Variants in JAZF1 observed in about 807,000 individuals in gnomAD.
The protein encoded by JAZF1 is JAZF zinc finger 1.
In JAZF1, 8 loss-of-function variants were observed where a neutral mutation model predicts 26.4. The observed-to-expected ratio is 0.30, with a 90% CI of 0.18 to 0.55. JAZF1 has a LOEUF of 0.55. Among genes scored for constraint, JAZF1 ranks in the 20% least tolerant of loss-of-function variants. JAZF1 has a pLI of 0.94. For missense variants in JAZF1, 199 were observed against 322.0 expected, an observed-to-expected ratio of 0.62 and a Z score of 2.92; for synonymous variants, 126 against 122.3, an observed-to-expected ratio of 1.03 and a Z score of -0.20.
rs372426984 is a variant in JAZF1, at chr7:28,052,605, A to T, written c.116-60624T>A. On this transcript the variant is annotated intron_variant, in intron 1 of 4. Coordinates refer to ENST00000283928, the MANE Select transcript of JAZF1 (RefSeq NM_175061.4). The stretch of plus-strand genomic sequence containing the variant: ...GTATTCAACAAATTAAAACAAAGAA[A>T]CAAACAACACCTCCAATCACTTCAG... 3.9e-5 allele frequency among the ~76,000 whole-genome samples: 6 copies of T among 152,206 alleles called. No individual in the cohort carries two copies. In the East Asian group the frequency reaches 7.7e-4, roughly 20 times the overall value.
intron 1 of JAZF1, among the ~76,000 whole-genome samples, chr7:28,162,336 T>A (rs575131937): frequency 4.6e-5 from 7 of 152,348 alleles, no homozygotes; most frequent in African/African-American, 1.7e-4. Context: ...ACATATTGTA[T>A]GTGTACTCCT....
At chr7:28,001,356 A>AAAACG (rs1786156775) in intron 1 of JAZF1, among the ~76,000 whole-genome samples, 2 of 138,142 alleles carry the variant, frequency 1.4e-5, no homozygotes, top group African/African-American at 5.9e-5. Flanking sequence ...TGTCTCAAAA[A>AAAACG]AAACAAAACA....
intron 1 of JAZF1, among the ~76,000 whole-genome samples, chr7:28,059,991 T>C (rs1406175217): frequency 6.6e-6 from 1 of 152,198 alleles, no homozygotes; most frequent in Non-Finnish European, 1.5e-5. Flanking sequence ...TCTGGAAAAT[T>C]CACTCTTCTC....
intron 1 of JAZF1, among the ~76,000 whole-genome samples, chr7:28,155,648 C>T (rs923492024): frequency 6.6e-6 from 1 of 152,164 alleles, no homozygotes; most frequent in Non-Finnish European, 1.5e-5. Flanking sequence ...AGGGCCTGGC[C>T]ACCCATGCCC....
At chr7:27,902,943 G>A (rs911763405) in intron 2 of JAZF1, among the ~76,000 whole-genome samples, 1 of 151,622 alleles carries the variant, frequency 6.6e-6, no homozygotes, top group Non-Finnish European at 1.5e-5. Context: ...GTGAACCTGG[G>A]AGGCGGAGCC....
At chr7:28,071,717 G>A (rs561801191) in intron 1 of JAZF1, 1 of 453,082 alleles carries the variant, frequency 2.2e-6, no homozygotes, top group East Asian at 7.1e-5. Context: ...AAATATGCTT[G>A]GTTTACAAAG....
intron 2 of JAZF1, among the ~76,000 whole-genome samples, chr7:27,953,714 TA>T (rs1414446756): frequency 1.3e-5 from 2 of 152,082 alleles, no homozygotes; most frequent in Non-Finnish European, 2.9e-5. Context: ...AACTAGAAAA[TA>T]AATAGACTGA....
At chr7:28,135,259 G>A (rs1160822465) in intron 1 of JAZF1, among the ~76,000 whole-genome samples, 1 of 151,158 alleles carries the variant, frequency 6.6e-6, no homozygotes, top group Non-Finnish European at 1.5e-5. Flanking sequence ...AAACTAAGGA[G>A]CCCTCTCTCC....
intron 1 of JAZF1, among the ~76,000 whole-genome samples, chr7:28,039,818 AC>A (rs1455886439): frequency 6.6e-4 from 101 of 152,366 alleles, no homozygotes; most frequent in African/African-American, 2.3e-3. Context: ...ATGACTGAAT[AC>A]AGCACAAAAT....
intron 1 of JAZF1, among the ~76,000 whole-genome samples, chr7:28,164,402 C>T (rs941058770): frequency 6.6e-6 from 1 of 152,164 alleles, no homozygotes; most frequent in African/African-American, 2.4e-5. Context: ...TTCTCTTGAA[C>T]TTCATTGACT....
chr7:27,890,784 C>CTTTTTTT (rs70977008), intron 3 of JAZF1, among the ~76,000 whole-genome samples: 3 of 92,026 alleles, frequency 3.3e-5, no homozygotes, highest in African/African-American at 8.8e-5. Context: ...GATGTTACTA[C>CTTTTTTT]TTTTTTTTTT....
intron 1 of JAZF1, among the ~76,000 whole-genome samples, chr7:28,062,663 CTCTCCAAAGCAG>C (rs1783819443): frequency 6.6e-6 from 1 of 152,198 alleles, no homozygotes; most frequent in Non-Finnish European, 1.5e-5. Context: ...CATCCACATC[CTCTCCAAAGCAG>C]TCTGAACCCA....
chr7:28,113,410 C>T (rs1784694397), intron 1 of JAZF1, among the ~76,000 whole-genome samples: 1 of 152,210 alleles, frequency 6.6e-6, no homozygotes, highest in Non-Finnish European at 1.5e-5. Flanking sequence ...AGAACAGTTA[C>T]TAACACTGCT....
intron 2 of JAZF1, among the ~76,000 whole-genome samples, chr7:27,938,805 A>ATT (rs10661523): frequency 0.017 from 2,383 of 138,250 alleles, 82 homozygotes; most frequent in African/African-American, 0.06. Context: ...CTGAATAGCT[A>ATT]TTTTTTTTTT....
chr7:27,918,489 G>T (rs1784479436), intron 2 of JAZF1, among the ~76,000 whole-genome samples: 1 of 152,160 alleles, frequency 6.6e-6, no homozygotes, highest in Non-Finnish European at 1.5e-5. Context: ...CATGTTGTAG[G>T]CATCTTTGTA....
intron 3 of JAZF1, among the ~76,000 whole-genome samples, chr7:27,868,100 G>T (rs1444752284): frequency 6.6e-6 from 1 of 152,194 alleles, no homozygotes; most frequent in Non-Finnish European, 1.5e-5. Context: ...AGGATTCAAT[G>T]AGTGAATACG....
chr7:27,968,244 A>T (rs973494981), intron 2 of JAZF1, among the ~76,000 whole-genome samples: 1 of 152,238 alleles, frequency 6.6e-6, no homozygotes, highest in Non-Finnish European at 1.5e-5. Context: ...TTGCTTTGCC[A>T]TAACAAGTAT....
intron 1 of JAZF1, among the ~76,000 whole-genome samples, chr7:28,158,112 G>A (rs2127950659): frequency 6.6e-6 from 1 of 151,686 alleles, no homozygotes; most frequent in Non-Finnish European, 1.5e-5. Flanking sequence ...GGCACTCTGG[G>A]CCTAGGGAGA....
chr7:27,870,438 C>G (rs562436905), intron 3 of JAZF1, among the ~76,000 whole-genome samples: 16 of 152,136 alleles, frequency 1.1e-4, no homozygotes, highest in Admixed American at 3.9e-4. Flanking sequence ...TGATGAGTCT[C>G]TCCTACACAA....
Sources: gnomAD v4.1 joint callset for allele counts (sites outside exome capture counted in the v4.1 genomes callset) on GRCh38, gnomAD v4.1.1 for gene constraint, MANE v1.5 for transcripts, NCBI Gene and HGNC (gene_info 2026-07-23, HGNC 2026-07-21) for gene names.